The following BLOC1S5 variants were observed in gnomAD, a reference collection of about 807,000 sequenced individuals.
BLOC1S5 encodes the protein biogenesis of lysosomal organelles complex 1 subunit 5, also known as biogenesis of lysosome-related organelles complex 1 subunit 5.
In BLOC1S5, 27 loss-of-function variants were observed where a neutral mutation model predicts 24.3. That is an observed-to-expected ratio of 1.11 (90% CI 0.82 to 1.53). BLOC1S5 has a LOEUF of 1.53. Among genes scored for constraint, BLOC1S5 ranks in the 40% most tolerant of loss-of-function variants. The pLI, the probability that BLOC1S5 is intolerant of heterozygous loss-of-function variation, is 0.00. For synonymous variants in BLOC1S5, 84 were observed against 74.5 expected, an observed-to-expected ratio of 1.13 and a Z score of -0.66; for missense variants, 239 against 229.4, an observed-to-expected ratio of 1.04 and a Z score of -0.27.
chr6:8,028,461 C>A (rs1164604203), intron 3 of BLOC1S5, among the ~76,000 whole-genome samples: 1 of 151,846 alleles, frequency 6.6e-6, no homozygotes, highest in East Asian at 1.9e-4. Context: ...TCATTTCCTG[C>A]GTTGTTTTTT....
At chr6:8,019,610 G>C (rs35949359) in intron 4 of BLOC1S5, among the ~76,000 whole-genome samples, 38,580 of 137,704 alleles carry the variant, frequency 0.28, 6,565 homozygotes, top group East Asian at 0.72. Context: ...AGAAAAAAGG[G>C]GGGGGGGGCG....
chr6:8,042,449 A>C (rs1185705173), intron 2 of BLOC1S5, among the ~76,000 whole-genome samples: 1 of 152,194 alleles, frequency 6.6e-6, no homozygotes, highest in Non-Finnish European at 1.5e-5. Context: ...CTTGACTAGT[A>C]AACAGTTTCC....
intron 4 of BLOC1S5, among the ~76,000 whole-genome samples, chr6:8,021,993 A>C (rs1013381040): frequency 6.6e-6 from 1 of 152,150 alleles, no homozygotes; most frequent in Non-Finnish European, 1.5e-5. Context: ...GCAGGCACAC[A>C]CTCACTGCTC....
chr6:8,052,445 TAATG>T (rs1161727770), intron 2 of BLOC1S5, among the ~76,000 whole-genome samples: 5 of 152,260 alleles, frequency 3.3e-5, no homozygotes, highest in African/African-American at 1.2e-4. Flanking sequence ...TTAAGAACAT[TAATG>T]ATTCATGGGA....
chr6:8,041,155 G>A lies in BLOC1S5; in HGVS notation c.309C>T (p.Ser103=). The A allele has an allele frequency of 6.2e-7, 1 of 1,601,844 alleles. No homozygotes were observed. The highest frequency in any genetic ancestry group is 1.3e-5 in the African/African-American group (1 of 74,358). The change falls in exon 3 of 5, where the codon AGC becomes AGT. Residue 103 remains serine, a synonymous_variant. Coordinates refer to ENST00000397457, the MANE Select transcript of BLOC1S5 (RefSeq NM_201280.3). ...KCRDTMRDSL[S]QVLQRLQAAN... ...CTGACTCACATCTCTGGAGAACCTG[G>A]CTGAGGCTGTCCCGCATTGTGTCTC... is the stretch of plus-strand genomic sequence containing the variant.
intron 2 of BLOC1S5, among the ~76,000 whole-genome samples, chr6:8,061,952 G>C (rs1177566589): frequency 6.6e-6 from 1 of 152,210 alleles, no homozygotes; most frequent in African/African-American, 2.4e-5. Flanking sequence ...GACAGAAATA[G>C]TATCAAAGGT....
intron 2 of BLOC1S5, among the ~76,000 whole-genome samples, chr6:8,051,691 T>C (rs1378625171): frequency 1.3e-5 from 2 of 152,208 alleles, no homozygotes; most frequent in Non-Finnish European, 2.9e-5. Flanking sequence ...TGACTTGAAG[T>C]TGAAGCCGGT....
At chr6:8,059,710 G>T (rs533033259) in intron 2 of BLOC1S5, among the ~76,000 whole-genome samples, 1 of 152,344 alleles carries the variant, frequency 6.6e-6, no homozygotes, top group African/African-American at 2.4e-5. Context: ...AGGCATTTGA[G>T]CCTGAAGTTG....
intron 3 of BLOC1S5, among the ~76,000 whole-genome samples, chr6:8,031,355 T>C (rs1763290169): frequency 1.3e-5 from 2 of 152,118 alleles, no homozygotes; most frequent in South Asian, 4.1e-4. Flanking sequence ...GAGAATCAAA[T>C]TAAAGAGCTC....
At chr6:8,017,074 T>G (rs148469047) in intron 4 of BLOC1S5, among the ~76,000 whole-genome samples, 2 of 152,110 alleles carry the variant, frequency 1.3e-5, no homozygotes, top group East Asian at 3.8e-4. Context: ...AAAAAAGGTA[T>G]GAATTTAGTT....
Position 8,038,547 on chromosome 6 carries a change from C to T in BLOC1S5, c.325+2592G>A, listed in dbSNP as rs192724581. On this transcript the variant is annotated intron_variant, in intron 3 of 4. Transcript: ENST00000397457. The stretch of plus-strand genomic sequence containing the variant: ...TTGCCCAGGCTGGAGTGCCGTGGCG[C>T]TATCTTGGCTCACTGCAAGCTCTGT... Among the ~76,000 whole-genome samples the T allele has an allele frequency of 2.0e-3, 300 of 152,248 alleles. 1 individual carries two copies. Among genetic ancestry groups the T allele is most frequent in the South Asian group, 7.1e-3 (34 of 4,822 alleles).
chr6:8,021,164 A>G (rs192327656), intron 4 of BLOC1S5, among the ~76,000 whole-genome samples: 53 of 152,368 alleles, frequency 3.5e-4, no homozygotes, highest in African/African-American at 8.7e-4. Context: ...GACAAATGTT[A>G]TATGAGTCTA....
At chr6:8,026,485 T>C in intron 3 of BLOC1S5, 60 bp from the exon 4 acceptor site, 3 of 1,339,468 alleles carry the variant, frequency 2.2e-6, no homozygotes, top group Non-Finnish European at 3.2e-6. Flanking sequence ...AACACATACC[T>C]GGGGGAGGAG....
At chr6:8,040,437 C>A (rs75699299) in intron 3 of BLOC1S5, among the ~76,000 whole-genome samples, 1,657 of 152,180 alleles carry the variant, frequency 0.011, 36 homozygotes, top group African/African-American at 0.038. Context: ...CTTTAAATGC[C>A]TCTCAAAATA....
rs575581152 is a variant in BLOC1S5, at chr6:8,015,233, G to A, written c.*416C>T. 1.9e-5 allele frequency: 3 copies of A among 154,492 alleles called. No individual in the cohort carries two copies. The highest frequency in any genetic ancestry group is 7.2e-5 in the African/African-American group (3 of 41,596). The allele number at this position is 154,492 out of a possible 1,614,324, so 9.6% of individuals were successfully genotyped here. ...TTTATACATCCTTCCAACAGCCAAG[G>A]AGGCTATGACAGGTAGCTTCTATAC... On this transcript the variant is annotated 3_prime_UTR_variant, in exon 5 of 5. Transcript: ENST00000397457.
chr6:8,062,557 G>C lies in BLOC1S5; in HGVS notation c.172C>G (p.Arg58Gly). Reference sequence around the variant, plus strand: ...ACTTCAAATTCTTTTACAAAATAACGAGTTTCACCTTGAATAACTGGTCTG... The same window carrying C: ...ACTTCAAATTCTTTTACAAAATAACCAGTTTCACCTTGAATAACTGGTCTG... ...DHRPVIQGETRYFVKEFEEKR... is the reference protein window; with the variant it reads ...DHRPVIQGETGYFVKEFEEKR... The change falls in exon 2 of 5, where the codon CGT becomes GGT. Residue 58 changes from arginine to glycine, a missense_variant. Coordinates refer to ENST00000397457, the MANE Select transcript of BLOC1S5 (RefSeq NM_201280.3). 6.3e-7 allele frequency: 1 copy of C among 1,594,274 alleles called. No homozygotes were observed. Among genetic ancestry groups the C allele is most frequent in the East Asian group, 2.2e-5 (1 of 44,484 alleles).
intron 2 of BLOC1S5, among the ~76,000 whole-genome samples, chr6:8,051,378 A>G (rs1012669751): frequency 6.6e-6 from 1 of 152,176 alleles, no homozygotes; most frequent in African/African-American, 2.4e-5. Flanking sequence ...GAGGTGAGGA[A>G]GCTGCAGAAG....
At chr6:8,024,511 T>A (rs1397038960) in intron 4 of BLOC1S5, among the ~76,000 whole-genome samples, 2 of 70,466 alleles carry the variant, frequency 2.8e-5, no homozygotes, top group East Asian at 1.1e-3. Context: ...TGAGACTCCA[T>A]CTCAAAAAAA....
chr6:8,055,595 T>G (rs1764278459), intron 2 of BLOC1S5, among the ~76,000 whole-genome samples: 1 of 152,326 alleles, frequency 6.6e-6, no homozygotes, highest in Admixed American at 6.5e-5. Context: ...TCCACTATTT[T>G]TAGAAGGGAG....
Sources: gnomAD v4.1 joint callset for allele counts (sites outside exome capture counted in the v4.1 genomes callset) on GRCh38, gnomAD v4.1.1 for gene constraint, MANE v1.5 for transcripts, NCBI Gene and HGNC (gene_info 2026-07-23, HGNC 2026-07-21) for gene names.